Variants in SCAPER observed in about 807,000 individuals in gnomAD.
The protein encoded by SCAPER is S-phase cyclin A associated protein in the ER, also known as S phase cyclin A-associated protein in the endoplasmic reticulum.
Under a neutral mutation model 182.2 loss-of-function variants are expected in SCAPER, and 98 were observed. The observed-to-expected ratio is 0.54, with a 90% CI of 0.46 to 0.64. The LOEUF is 0.64. SCAPER is among the 30% of genes least tolerant of loss of function. SCAPER has a pLI of 0.00. For synonymous variants in SCAPER, 605 were observed against 564.6 expected, an observed-to-expected ratio of 1.07 and a Z score of -1.01; for missense variants, 1,432 against 1,690.0, an observed-to-expected ratio of 0.85 and a Z score of 2.68.
At chr15:76,662,154 G>A (rs963239259) in intron 21 of SCAPER, among the ~76,000 whole-genome samples, 1 of 152,040 alleles carries the variant, frequency 6.6e-6, no homozygotes, top group African/African-American at 2.4e-5. Flanking sequence ...ACACAGGGAG[G>A]GGAACAACAC....
chr15:76,742,494 AGAAT>A (rs1567987007), intron 15 of SCAPER, among the ~76,000 whole-genome samples: 828 of 107,472 alleles, frequency 7.7e-3, no homozygotes, highest in Middle Eastern at 0.019. Context: ...AAAAAAAAAA[AGAAT>A]AAAAATAAAC....
chr15:76,739,706 G>A (rs142636532), intron 15 of SCAPER, among the ~76,000 whole-genome samples: 35 of 152,294 alleles, frequency 2.3e-4, no homozygotes, highest in Admixed American at 3.9e-4. Flanking sequence ...ATTGACGAGG[G>A]TAGATGAAAC....
intron 4 of SCAPER, among the ~76,000 whole-genome samples, chr15:76,854,621 G>A (rs547685471): frequency 6.6e-6 from 1 of 151,784 alleles, no homozygotes; most frequent in Non-Finnish European, 1.5e-5. Context: ...TAAAATTCAT[G>A]TGGAACCAAA....
chr15:76,697,828 C>CGT (rs1189044524), intron 20 of SCAPER, among the ~76,000 whole-genome samples: 7 of 152,034 alleles, frequency 4.6e-5, no homozygotes, highest in Admixed American at 2.6e-4. Context: ...TTAGTAGAGA[C>CGT]AGGGTTTCAC....
chr15:76,864,137 A>C (rs1268090572), intron 2 of SCAPER, among the ~76,000 whole-genome samples: 2 of 152,168 alleles, frequency 1.3e-5, no homozygotes, highest in African/African-American at 4.8e-5. Flanking sequence ...CCTAACACAC[A>C]ATATACACAC....
At chr15:76,559,541 G>A (rs977037965) in intron 23 of SCAPER, among the ~76,000 whole-genome samples, 3 of 152,170 alleles carry the variant, frequency 2.0e-5, no homozygotes, top group Non-Finnish European at 1.5e-5. Context: ...TGCCCAATAT[G>A]TGGCAGTTCT....
intron 1 of SCAPER, among the ~76,000 whole-genome samples, chr15:76,887,816 G>A (rs939116755): frequency 2.6e-5 from 4 of 152,190 alleles, no homozygotes; most frequent in Non-Finnish European, 5.9e-5. Context: ...CTCCCAGCAT[G>A]GCGTTTGACC....
chr15:76,662,633 G>C lies in SCAPER; in HGVS notation c.2645+3020C>G, dbSNP rs558255059. Among the ~76,000 whole-genome samples the C allele has an allele frequency of 3.9e-5, 6 of 152,178 alleles. No individual in the cohort carries two copies. In the East Asian group the frequency reaches 1.2e-3, roughly 29 times the overall value. ...ATCAAGGTTTCAAAATAGAAACTTA[G>C]ACATCAATGGAATGCAATAGAGTCC... On this transcript the variant is annotated intron_variant, in intron 21 of 31. Coordinates refer to ENST00000563290, the MANE Select transcript of SCAPER (RefSeq NM_020843.4).
chr15:76,796,094 T>C (rs114414030), intron 7 of SCAPER, among the ~76,000 whole-genome samples: 1 of 152,124 alleles, frequency 6.6e-6, no homozygotes, highest in Non-Finnish European at 1.5e-5. Context: ...AAATATGCAT[T>C]AATTCGTCAA....
At chr15:76,701,710 T>C (rs753805569) in intron 20 of SCAPER, 48 bp downstream of exon 20, 4 of 1,376,348 alleles carry the variant, frequency 2.9e-6, no homozygotes, top group South Asian at 2.3e-5. Flanking sequence ...AAACAGCACA[T>C]ATTGGGTACT....
chr15:76,472,226 C>A, intron 24 of SCAPER: 2 of 535,736 alleles, frequency 3.7e-6, no homozygotes, highest in South Asian at 1.5e-5. Context: ...CTAAAAAGTC[C>A]CCTGCAAAGG....
intron 22 of SCAPER, among the ~76,000 whole-genome samples, chr15:76,580,669 TAA>T (rs2048204182): frequency 6.6e-6 from 1 of 152,060 alleles, no homozygotes; most frequent in African/African-American, 2.4e-5. Flanking sequence ...AAAGCAGTAC[TAA>T]GAGGAAAGTT....
rs377407782 is a variant in SCAPER at position 76,683,749 on chromosome 15, G to C, written c.2509-17960C>G. 3.2e-3 allele frequency among the ~76,000 whole-genome samples: 490 copies of C among 152,148 alleles called. 2 individuals carry two copies. The highest frequency in any genetic ancestry group is 9.8e-3 in the African/African-American group (406 of 41,508). On this transcript the variant is annotated intron_variant, in intron 20 of 31. Transcript: ENST00000563290. Reference sequence around the variant, plus strand: ...CCTTACAAGACAGAAGACACTGTAGGGGGTGGGGGGGTCTACATTCAGCAT... The same window carrying C: ...CCTTACAAGACAGAAGACACTGTAGCGGGTGGGGGGGTCTACATTCAGCAT...
chr15:76,770,770 C>G (rs747996726), intron 10 of SCAPER, among the ~76,000 whole-genome samples: 2 of 151,958 alleles, frequency 1.3e-5, no homozygotes, highest in Non-Finnish European at 2.9e-5. Flanking sequence ...TGACCAAATT[C>G]CACCCCATAC....
chr15:76,527,955 A>G (rs2043330743), intron 23 of SCAPER, among the ~76,000 whole-genome samples: 1 of 152,202 alleles, frequency 6.6e-6, no homozygotes, highest in South Asian at 2.1e-4. Flanking sequence ...TGGCTTACAT[A>G]ACACTTCACT....
intron 6 of SCAPER, among the ~76,000 whole-genome samples, chr15:76,804,302 G>A (rs1347309513): frequency 1.3e-5 from 2 of 152,158 alleles, no homozygotes; most frequent in Non-Finnish European, 2.9e-5. Flanking sequence ...TGGTAAATGT[G>A]TCACATTCAA....
rs555499562 is a variant in SCAPER at position 76,545,832 on chromosome 15, T to C, written c.2838+28326A>G. On this transcript the variant is annotated intron_variant, in intron 23 of 31. Transcript: ENST00000563290. Reference sequence around the variant, plus strand: ...GATGGAGCAACACAGAGAAATTAACTATAGAAATTTGCCTGGAATTCTATT... The same window carrying C: ...GATGGAGCAACACAGAGAAATTAACCATAGAAATTTGCCTGGAATTCTATT... Among the ~76,000 whole-genome samples, 21 of 152,214 alleles carry C rather than the reference T, an allele frequency of 1.4e-4. No homozygotes were observed. The South Asian group carries it at 3.1e-3, about 23-fold the overall frequency.
chr15:76,621,896 G>A, intron 21 of SCAPER, 67 bp from the exon 22 acceptor site: 1 of 1,162,898 alleles, frequency 8.6e-7, no homozygotes, highest in Non-Finnish European at 1.2e-6. Flanking sequence ...CAAAATGTTG[G>A]CTGTATTTTT....
At chr15:76,683,213 T>A (rs765687509) in intron 20 of SCAPER, among the ~76,000 whole-genome samples, 1 of 151,106 alleles carries the variant, frequency 6.6e-6, no homozygotes, top group Non-Finnish European at 1.5e-5. Context: ...AAAAAAAAAA[T>A]TGATCTGATA....
Sources: gnomAD v4.1 joint callset for allele counts (sites outside exome capture counted in the v4.1 genomes callset) on GRCh38, gnomAD v4.1.1 for gene constraint, MANE v1.5 for transcripts, NCBI Gene and HGNC (gene_info 2026-07-23, HGNC 2026-07-21) for gene names.